The following RTN4 variants were observed in gnomAD, a reference collection of about 807,000 sequenced individuals.
RTN4 encodes the protein reticulon 4, also known as reticulon-4.
RTN4 carries 32 observed loss-of-function variants against 90.4 expected under a neutral mutation model. That is an observed-to-expected ratio of 0.35 (90% CI 0.27 to 0.48). The LOEUF (loss-of-function observed/expected upper bound fraction) is 0.48. Among genes scored for constraint, RTN4 ranks in the 20% least tolerant of loss-of-function variants. The probability of loss-of-function intolerance (pLI) is 0.99; values close to 1 mark genes in which losing one functional copy is unlikely to be tolerated. For synonymous variants in RTN4, 629 were observed against 552.5 expected, an observed-to-expected ratio of 1.14 and a Z score of -1.94; for missense variants, 1,706 against 1,430.2, an observed-to-expected ratio of 1.19 and a Z score of -3.11.
chr2:55,010,336 C>G (rs1680543336), intron 3 of RTN4: 1 of 1,376,800 alleles, frequency 7.3e-7, no homozygotes. Context: ...AACTAGGCTA[C>G]TAATACTCCA....
chr2:55,010,811 C>G (rs1196167576), intron 3 of RTN4, among the ~76,000 whole-genome samples: 1 of 152,120 alleles, frequency 6.6e-6, no homozygotes, highest in African/African-American at 2.4e-5. Context: ...GCAACTTAAT[C>G]TTCCTAATAT....
chr2:55,074,059 A>G lies in RTN4; in HGVS notation c.-63+6430T>C, dbSNP rs142297747. On this transcript the variant is annotated intron_variant, in intron 2 of 3. Coordinates refer to the RTN4 transcript ENST00000427710. ...ATGAAATCAGATGGCAAGTAAGTAA[A>G]CATAATGCACTCTTGTCATAAATTT... 2.7e-4 allele frequency among the ~76,000 whole-genome samples: 41 copies of G among 152,332 alleles called. No homozygotes were observed. In the East Asian group the frequency reaches 6.6e-3, roughly 24 times the overall value.
At chr2:55,020,314 AG>A (rs1294163848) in intron 3 of RTN4, among the ~76,000 whole-genome samples, 1 of 152,196 alleles carries the variant, frequency 6.6e-6, no homozygotes, top group Admixed American at 6.5e-5. Context: ...ACACAGCTAT[AG>A]TAACCAAAAC....
chr2:55,019,995 G>C (rs553034268), intron 3 of RTN4, among the ~76,000 whole-genome samples: 1 of 152,026 alleles, frequency 6.6e-6, no homozygotes, highest in Non-Finnish European at 1.5e-5. Flanking sequence ...TAACCAAGGA[G>C]GTGAAAGACT....
intron 1 of RTN4, among the ~76,000 whole-genome samples, chr2:55,036,673 T>C (rs72912579): frequency 0.13 from 19,012 of 148,708 alleles, 1,931 homozygotes; most frequent in African/African-American, 0.28. Context: ...AAATTCACTA[T>C]AGTAACAACA....
intron 1 of RTN4, among the ~76,000 whole-genome samples, chr2:55,097,506 G>A (rs1412064213): frequency 6.6e-6 from 1 of 152,036 alleles, no homozygotes; most frequent in East Asian, 1.9e-4. Context: ...AGAGCAGTTG[G>A]AAGACACTTG....
intron 2 of RTN4, among the ~76,000 whole-genome samples, chr2:55,070,428 C>T (rs940390112): frequency 1.3e-5 from 2 of 151,694 alleles, no homozygotes; most frequent in Non-Finnish European, 2.9e-5. Context: ...CACTTGTAGT[C>T]CCAGCTACTC....
the RTN4 span, among the ~76,000 whole-genome samples, chr2:55,130,361 T>C: frequency 6.6e-6 from 1 of 152,108 alleles, no homozygotes; most frequent in Non-Finnish European, 1.5e-5. Flanking sequence ...TCTGGAAAAA[T>C]ACATACTAAG....
chr2:54,997,026 G>T (rs1370014766), intron 3 of RTN4, among the ~76,000 whole-genome samples: 1 of 152,130 alleles, frequency 6.6e-6, no homozygotes, highest in Non-Finnish European at 1.5e-5. Flanking sequence ...GAAGAAAAAA[G>T]ATAAATTGGA....
rs139912016 is a variant in RTN4, at chr2:55,063,808, G to A, written c.-63+16681C>T. On this transcript the variant is annotated intron_variant, in intron 2 of 3. Transcript: ENST00000427710. ...AGGCAGGAGAATTGCTTGAACCTGG[G>A]AGGCAGAGGTTACAGTGAGCGGAGA... Among the ~76,000 whole-genome samples the A allele has an allele frequency of 5.4e-3, 817 of 152,124 alleles. 10 individuals are homozygous for A. The highest frequency in any genetic ancestry group is 0.018 in the African/African-American group (766 of 41,492).
chr2:55,009,297 T>C (rs1022638483), intron 3 of RTN4, among the ~76,000 whole-genome samples: 25 of 152,202 alleles, frequency 1.6e-4, no homozygotes, highest in Admixed American at 1.6e-3. Flanking sequence ...AGTGGTCAGA[T>C]ATACAGCCTA....
intron 1 of RTN4, among the ~76,000 whole-genome samples, chr2:55,082,006 A>G (rs1010605982): frequency 3.3e-5 from 5 of 152,170 alleles, no homozygotes; most frequent in African/African-American, 9.7e-5. Flanking sequence ...GCCTTTAAAT[A>G]TAACAGCCAT....
chr2:55,109,014 C>G (rs1667991414), intron 1 of RTN4, among the ~76,000 whole-genome samples: 1 of 152,044 alleles, frequency 6.6e-6, no homozygotes, highest in African/African-American at 2.4e-5. Flanking sequence ...CTGGACACGT[C>G]TCCAAGTACA....
In RTN4 at chr2:55,025,758, C is replaced by T. The variant is rs201729254; in HGVS notation, c.2341G>A (p.Glu781Lys). 12 of 1,613,246 alleles carry T rather than the reference C, an allele frequency of 7.4e-6. No homozygotes were observed. Among genetic ancestry groups the T allele is most frequent in the Non-Finnish European group, 1.0e-5 (12 of 1,179,740 alleles). The change falls in exon 3 of 9, where the codon GAA (glutamate) becomes AAA (lysine). Residue 781 changes from glutamate to lysine, a missense_variant. Transcript: ENST00000337526. ...LTETSFESMI[E>K]YENKEKLSAL... ...CTGAGTTTTTCCTTATTTTCATATT[C>T]TATCATTGACTCAAATGAAGTCTCA... is the stretch of plus-strand genomic sequence containing the variant.
At chr2:55,124,768 C>A in the RTN4 span, among the ~76,000 whole-genome samples, 1 of 152,080 alleles carries the variant, frequency 6.6e-6, no homozygotes, top group Middle Eastern at 3.2e-3. Flanking sequence ...CAATCCTAAG[C>A]AAAAAGAACA....
chr2:55,082,414 C>T (rs1162896688), intron 1 of RTN4, among the ~76,000 whole-genome samples: 8 of 152,190 alleles, frequency 5.3e-5, no homozygotes, highest in Non-Finnish European at 1.5e-5. Context: ...CCACCACAAA[C>T]CAAACTACCA....
Position 54,987,512 on chromosome 2 carries a change from G to A in RTN4, c.3200C>T (p.Ser1067Leu). The change falls in exon 4 of 9, where the codon TCA (serine) becomes TTA (leucine). Residue 1067 changes from serine to leucine, a missense_variant. Transcript: ENST00000337526. ...YKGVIQAIQKSDEGHPFRAYL... is the reference protein window; with the variant it reads ...YKGVIQAIQKLDEGHPFRAYL... ...TCACCTGAATGGGTGGCCTTCATCT[G>A]ATTTCTGGATAGCTTGGATCACACC... The A allele has an allele frequency of 6.2e-7, 1 of 1,613,984 alleles. No individual in the cohort carries two copies. The highest frequency in any genetic ancestry group is 8.5e-7 in the Non-Finnish European group (1 of 1,179,854).
Position 54,973,215 on chromosome 2 carries a change from C to CAATGT in RTN4, c.3537-22_3537-18dup. ...GCTTGGATTCTGAAAATGAAAAAGT[C>CAATGT]AATGTAAATATCAGTTTTGTTTGCT... On this transcript the variant is annotated splice_polypyrimidine_tract_variant and intron_variant, in intron 8 of 8. Transcript: ENST00000337526. 1.3e-6 allele frequency: 2 copies of CAATGT among 1,597,216 alleles called. No homozygotes were observed. The highest frequency in any genetic ancestry group is 1.7e-6 in the Non-Finnish European group (2 of 1,166,382).
intron 3 of RTN4, among the ~76,000 whole-genome samples, chr2:54,989,906 G>A (rs1008666896): frequency 1.3e-5 from 2 of 151,778 alleles, no homozygotes; most frequent in Non-Finnish European, 1.5e-5. Context: ...TTTTTTATTA[G>A]GAGGGTACAG....
Sources: allele counts gnomAD v4.1 joint callset (sites outside exome capture counted in the v4.1 genomes callset), GRCh38; gene constraint gnomAD v4.1.1; transcripts MANE v1.5; gene names NCBI Gene and HGNC (gene_info 2026-07-23, HGNC 2026-07-21).